Variants in TG observed in about 807,000 individuals in gnomAD.
TG encodes the protein thyroglobulin.
A neutral mutation model predicts 324.7 loss-of-function variants in TG; 270 were observed. The ratio of observed to expected loss-of-function variants is 0.83; its 90% confidence interval spans 0.75 to 0.92. The LOEUF (loss-of-function observed/expected upper bound fraction) is 0.92. TG is among the 40% of genes least tolerant of loss of function. The pLI, the probability that TG is intolerant of heterozygous loss-of-function variation, is 0.00. For missense variants in TG, 3,591 were observed against 3,456.4 expected (o/e 1.04, Z -0.98); for synonymous variants, 1,401 against 1,327.0 (o/e 1.06, Z -1.21).
At position 132,966,627 on chromosome 8, in the gene TG, A is replaced by C. The variant is rs543645713; in HGVS notation, c.5616A>C (p.Leu1872=). The C allele has an allele frequency of 5.0e-6, 8 of 1,614,110 alleles. No homozygotes were observed. In the East Asian group the frequency reaches 1.6e-4, roughly 31 times the overall value. ...TCATTGTCAATGGAAATCAATCACT[A>C]TCCAGCCAGAAGCACTGGCTTTTCA... is the stretch of plus-strand genomic sequence containing the variant. ...NQVIVNGNQS[L]SSQKHWLFKH... Residue 1872 remains leucine (L), a synonymous_variant, in exon 30 of 48, where the codon CTA becomes CTC. Coordinates refer to ENST00000220616, the MANE Select transcript of TG (RefSeq NM_003235.5).
chr8:132,867,153 A>G, intron 1 of TG, 86 bp downstream of exon 1: 1 of 1,141,488 alleles, frequency 8.8e-7, no homozygotes, highest in Non-Finnish European at 1.3e-6. Context: ...AACAGGTGCG[A>G]TCTAATTTAA....
chr8:133,118,136 C>T (rs765383125), intron 45 of TG, among the ~76,000 whole-genome samples: 1 of 152,026 alleles, frequency 6.6e-6, no homozygotes, highest in African/African-American at 2.4e-5. Flanking sequence ...TTCCCATGTC[C>T]TCCTTTCACC....
Position 132,888,257 on chromosome 8 carries a change from T to C in TG, c.2450T>C (p.Phe817Ser). ...TACAGAGAAGCAGCTTCCGGAAACT[T>C]CAGTCTCTTTATTCAAAGTCTGTAT... ...MSYREAASGN[F>S]SLFIQSLYEA... The change falls in exon 10 of 48, where the codon TTC becomes TCC. Residue 817 changes from phenylalanine (F) to serine (S), a missense_variant. Coordinates refer to ENST00000220616, the MANE Select transcript of TG (RefSeq NM_003235.5). 6.2e-7 allele frequency: 1 copy of C among 1,614,208 alleles called. No individual in the cohort carries two copies. The highest frequency in any genetic ancestry group is 1.1e-5 in the South Asian group (1 of 91,076).
Position 133,059,992 on chromosome 8 carries a change from G to T in TG, c.7239+29969G>T, listed in dbSNP as rs1587935566. Reference sequence around the variant, plus strand: ...AGAGACAGATATAATGAGCCCTTCGGTACCCATTGCCCCATTTAAGTAGTT... The same window carrying T: ...AGAGACAGATATAATGAGCCCTTCGTTACCCATTGCCCCATTTAAGTAGTT... On this transcript the variant is annotated intron_variant, in intron 41 of 47. Coordinates refer to ENST00000220616, the MANE Select transcript of TG (RefSeq NM_003235.5). 5.4e-6 allele frequency: 6 copies of T among 1,111,438 alleles called. No individual in the cohort carries two copies. In the East Asian group the frequency reaches 1.0e-4, roughly 19 times the overall value. The allele number at this position is 1,111,438 out of a possible 1,614,324, so 68.8% of individuals were successfully genotyped here.
chr8:132,873,039 T>C, intron 4 of TG, 23 bp from the exon 5 acceptor site: 1 of 1,613,894 alleles, frequency 6.2e-7, no homozygotes, highest in Non-Finnish European at 8.5e-7. Flanking sequence ...ATATAAGGAT[T>C]TTTTTTTCGT....
At chr8:133,059,215 G>A (rs1410187448) in intron 41 of TG, 1 of 446,552 alleles carries the variant, frequency 2.2e-6, no homozygotes, top group Non-Finnish European at 4.5e-6. Flanking sequence ...GGGACACCAG[G>A]CCCCAAATGC....
rs73708807 is a variant in TG, at chr8:132,988,582, G to A, written c.6262+5170G>A. ...GACTAGCTAGATTTTGAGAAAGTGAGGACAATTATATCAACGGTGTATAGT... is the reference window on the plus strand; with the variant it reads ...GACTAGCTAGATTTTGAGAAAGTGAAGACAATTATATCAACGGTGTATAGT... On this transcript the variant is annotated intron_variant, in intron 35 of 47. Transcript: ENST00000220616. 3,457 of 433,944 alleles carry A rather than the reference G, an allele frequency of 8.0e-3. 126 individuals carry two copies. Among genetic ancestry groups the A allele is most frequent in the African/African-American group, 0.07 (3,256 of 46,514 alleles). 26.9% of individuals were successfully genotyped at this position (433,944 alleles called of 1,614,324 possible).
rs1815727455 is a variant in TG, at chr8:132,888,370, C to A, written c.2563C>A (p.Pro855Thr). The stretch of plus-strand genomic sequence containing the variant: ...ACTAGCAGCACTGGAAGGGAAACGG[C>A]CCCAGCCCAGGGAGAATATCCTCCT... ...VPLAALEGKR[P>T]QPRENILLEP... The change falls in exon 10 of 48, where the codon CCC becomes ACC. Residue 855 changes from proline to threonine, a missense_variant. Pro to Thr is a conservative substitution (Grantham distance 38, BLOSUM62 -1). Coordinates refer to ENST00000220616, the MANE Select transcript of TG (RefSeq NM_003235.5). 1 of 1,614,202 alleles carries A rather than the reference C, an allele frequency of 6.2e-7. No individual in the cohort carries two copies. The highest frequency in any genetic ancestry group is 1.3e-5 in the African/African-American group (1 of 75,044).
At chr8:133,084,345 A>G (rs1239195544) in intron 41 of TG, among the ~76,000 whole-genome samples, 1 of 152,212 alleles carries the variant, frequency 6.6e-6, no homozygotes, top group Non-Finnish European at 1.5e-5. Context: ...ACAAGTTATA[A>G]TGATGAAATT....
At chr8:132,993,494 C>T (rs1317292252) in intron 35 of TG, among the ~76,000 whole-genome samples, 1 of 152,214 alleles carries the variant, frequency 6.6e-6, no homozygotes, top group African/African-American at 2.4e-5. Flanking sequence ...CATAAAATGG[C>T]TGTACTCAAT....
chr8:133,123,428 G>A (rs970835047), intron 45 of TG, among the ~76,000 whole-genome samples: 1 of 152,044 alleles, frequency 6.6e-6, no homozygotes, highest in African/African-American at 2.4e-5. Flanking sequence ...CGGGTCTGAG[G>A]CCCTGGGCAT....
intron 11 of TG, 31 bp from the exon 12 acceptor site, chr8:132,897,618 A>G (rs1817304437): frequency 6.2e-7 from 1 of 1,614,008 alleles, no homozygotes; most frequent in Non-Finnish European, 8.5e-7. Flanking sequence ...GCAGGTGGTC[A>G]TATTCTGCTT....
At chr8:132,917,889 A>ATAT (rs528246451) in intron 20 of TG, among the ~76,000 whole-genome samples, 1 of 138,766 alleles carries the variant, frequency 7.2e-6, no homozygotes, top group Non-Finnish European at 1.5e-5. Context: ...GGTTTTTGCA[A>ATAT]TTTTTTTTTT....
At chr8:132,975,967 G>A (rs1386221829) in intron 34 of TG, among the ~76,000 whole-genome samples, 1 of 152,152 alleles carries the variant, frequency 6.6e-6, no homozygotes, top group Non-Finnish European at 1.5e-5. Flanking sequence ...CTGAGTGTCT[G>A]TTTTCAGTTA....
chr8:132,935,943 A>G, intron 25 of TG, 79 bp downstream of exon 25: 6 of 1,136,686 alleles, frequency 5.3e-6, no homozygotes, highest in South Asian at 1.3e-5. Flanking sequence ...CAGCAGGTGC[A>G]TGTGAGGAGG....
intron 25 of TG, among the ~76,000 whole-genome samples, chr8:132,937,792 C>T (rs1823825902): frequency 1.3e-5 from 2 of 151,588 alleles, no homozygotes; most frequent in African/African-American, 4.9e-5. Flanking sequence ...ACAGAAAGTC[C>T]TAGTGTTTGT....
At chr8:133,038,457 G>T in intron 41 of TG, 13 of 1,314,416 alleles carry the variant, frequency 9.9e-6, no homozygotes, top group Admixed American at 3.4e-5. Flanking sequence ...CTCGCTTTTC[G>T]CAAGATCCCA....
intron 23 of TG, among the ~76,000 whole-genome samples, chr8:132,931,043 C>T (rs1289090977): frequency 6.6e-6 from 1 of 152,182 alleles, no homozygotes; most frequent in Non-Finnish European, 1.5e-5. Context: ...GGGACTTAAA[C>T]AACAAAATGG....
chr8:133,043,968 G>C (rs1838809651), intron 41 of TG, among the ~76,000 whole-genome samples: 1 of 152,174 alleles, frequency 6.6e-6, no homozygotes, highest in Non-Finnish European at 1.5e-5. Context: ...GCATTTAATG[G>C]GAGCTCACGA....
Sources: allele counts gnomAD v4.1 joint callset (sites outside exome capture counted in the v4.1 genomes callset), GRCh38; gene constraint gnomAD v4.1.1; transcripts MANE v1.5; gene names NCBI Gene and HGNC (gene_info 2026-07-23, HGNC 2026-07-21).